MECOM: variants seen among roughly 807,000 people sequenced by gnomAD.
MECOM encodes the protein histone-lysine N-methyltransferase MECOM.
MECOM carries 13 observed loss-of-function variants against 116.3 expected under a neutral mutation model. The ratio of observed to expected loss-of-function variants is 0.11; its 90% confidence interval spans 0.07 to 0.18. MECOM has a LOEUF of 0.18. Ranked by LOEUF, MECOM falls within the 10% of genes least tolerant of loss-of-function variation. The pLI is 1.00. For synonymous variants in MECOM, 528 were observed against 535.2 expected (o/e 0.99, Z 0.19); for missense variants, 1,299 against 1,509.0 (o/e 0.86, Z 2.31).
intron 2 of MECOM, among the ~76,000 whole-genome samples, chr3:169,270,946 T>C (rs796779594): frequency 1.3e-5 from 2 of 152,210 alleles, no homozygotes; most frequent in Non-Finnish European, 2.9e-5. Flanking sequence ...TTTGTAATAC[T>C]GCTTTTATGT....
intron 2 of MECOM, among the ~76,000 whole-genome samples, chr3:169,323,459 A>T: frequency 6.6e-6 from 1 of 152,144 alleles, no homozygotes. Context: ...AGGCATTTGG[A>T]CGGCCTATGA....
chr3:169,359,651 A>G (rs1727866574), intron 2 of MECOM, among the ~76,000 whole-genome samples: 1 of 151,800 alleles, frequency 6.6e-6, no homozygotes, highest in African/African-American at 2.4e-5. Context: ...ATTCTATAGA[A>G]TGAATATCTT....
chr3:169,310,403 T>A (rs778821912), intron 2 of MECOM, among the ~76,000 whole-genome samples: 15 of 152,348 alleles, frequency 9.8e-5, no homozygotes, highest in Admixed American at 5.2e-4. Flanking sequence ...AAGTGGCTAT[T>A]CCATGTGTCT....
chr3:169,570,518 C>G (rs1385522547), intron 1 of MECOM, among the ~76,000 whole-genome samples: 2 of 152,104 alleles, frequency 1.3e-5, no homozygotes, highest in Non-Finnish European at 2.9e-5. Context: ...ATACCAAAAC[C>G]TGAAAAAGAC....
rs1680141594 is a variant in MECOM at position 169,309,634 on chromosome 3, G to T, written c.375+71553C>A. On this transcript the variant is annotated intron_variant, in intron 2 of 16. Coordinates refer to ENST00000651503, the MANE Select transcript of MECOM (RefSeq NM_004991.4). ...GGCTTTATTTCCATATCTGGAATAG[G>T]CTTTATTTCCATATCTGCCTCAACT... Among the ~76,000 whole-genome samples, 4 of 152,062 alleles carry T rather than the reference G, an allele frequency of 2.6e-5. No homozygotes were observed. In the South Asian group the frequency reaches 8.3e-4, roughly 32 times the overall value.
chr3:169,137,165 G>T (rs756824340), intron 3 of MECOM, among the ~76,000 whole-genome samples: 8 of 152,066 alleles, frequency 5.3e-5, no homozygotes, highest in Non-Finnish European at 8.8e-5. Flanking sequence ...AAAGCTGAAT[G>T]GAACTTCAGC....
At chr3:169,257,163 A>T (rs1756970667) in intron 2 of MECOM, among the ~76,000 whole-genome samples, 1 of 152,238 alleles carries the variant, frequency 6.6e-6, no homozygotes, top group Admixed American at 6.5e-5. Context: ...AACAAGGTAA[A>T]TATAAATAGA....
intron 2 of MECOM, among the ~76,000 whole-genome samples, chr3:169,151,775 A>G (rs567465511): frequency 1.6e-4 from 24 of 152,354 alleles, no homozygotes; most frequent in African/African-American, 5.5e-4. Flanking sequence ...TAACTGACAC[A>G]AAGATAAGAA....
chr3:169,281,913 T>C (rs974430116), intron 2 of MECOM, among the ~76,000 whole-genome samples: 2 of 152,132 alleles, frequency 1.3e-5, no homozygotes, highest in Non-Finnish European at 2.9e-5. Context: ...GTCACCTGGG[T>C]TTTTGTTGTT....
intron 1 of MECOM, among the ~76,000 whole-genome samples, chr3:169,417,129 C>T (rs368559104): frequency 1.3e-5 from 2 of 151,436 alleles, no homozygotes; most frequent in African/African-American, 2.4e-5. Flanking sequence ...AACTAAAGAG[C>T]TTCTGCACAG....
intron 1 of MECOM, among the ~76,000 whole-genome samples, chr3:169,608,314 T>C (rs1768834531): frequency 6.6e-6 from 1 of 152,204 alleles, no homozygotes; most frequent in Non-Finnish European, 1.5e-5. Flanking sequence ...CTCCCAGCTT[T>C]CCTGCATACC....
At chr3:169,272,638 C>A (rs1759091491) in intron 2 of MECOM, among the ~76,000 whole-genome samples, 2 of 152,142 alleles carry the variant, frequency 1.3e-5, no homozygotes, top group Admixed American at 6.5e-5. Context: ...AGGAGACCAT[C>A]TTAGAAGCTG....
intron 1 of MECOM, among the ~76,000 whole-genome samples, chr3:169,478,304 G>A (rs1259341326): frequency 6.6e-6 from 1 of 152,120 alleles, no homozygotes; most frequent in African/African-American, 2.4e-5. Flanking sequence ...TATTGTCAAG[G>A]CAGAATTCAA....
At chr3:169,339,195 T>C (rs9817165) in intron 2 of MECOM, among the ~76,000 whole-genome samples, 1,945 of 152,312 alleles carry the variant, frequency 0.013, 41 homozygotes, top group African/African-American at 0.044. Flanking sequence ...CTTACCACCT[T>C]GCCAGCATTA....
At chr3:169,172,407 A>ATGTGTGTGTGTGTGTGTGTG (rs5854312) in intron 2 of MECOM, among the ~76,000 whole-genome samples, 1 of 144,374 alleles carries the variant, frequency 6.9e-6, no homozygotes, top group East Asian at 2.1e-4. Context: ...GTACCCTTGT[A>ATGTGTGTGTGTGTGTGTGTG]TGTGTGTGTG....
intron 1 of MECOM, among the ~76,000 whole-genome samples, chr3:169,616,061 G>C (rs931201137): frequency 5.9e-5 from 9 of 152,178 alleles, no homozygotes; most frequent in Non-Finnish European, 1.3e-4. Flanking sequence ...GGCAGAGGGG[G>C]AGTCGCTGTC....
At chr3:169,107,904 A>G in intron 10 of MECOM, 22 bp downstream of exon 10, 1 of 1,608,316 alleles carries the variant, frequency 6.2e-7, no homozygotes, top group East Asian at 2.2e-5. Context: ...ACTTTAGTCA[A>G]AAATATAAGT....
At chr3:169,261,692 A>T (rs1039150998) in intron 2 of MECOM, among the ~76,000 whole-genome samples, 1 of 151,762 alleles carries the variant, frequency 6.6e-6, no homozygotes, top group Non-Finnish European at 1.5e-5. Flanking sequence ...CAAGAGCGAA[A>T]CTCCATCTCA....
intron 1 of MECOM, among the ~76,000 whole-genome samples, chr3:169,558,661 AAT>A (rs1317729444): frequency 6.6e-6 from 1 of 152,164 alleles, no homozygotes; most frequent in East Asian, 1.9e-4. Flanking sequence ...ATGAAATAAC[AAT>A]GAGGCCTTTT....
Sources: allele counts gnomAD v4.1 joint callset (sites outside exome capture counted in the v4.1 genomes callset), GRCh38; gene constraint gnomAD v4.1.1; transcripts MANE v1.5; gene names NCBI Gene and HGNC (gene_info 2026-07-23, HGNC 2026-07-21).